The following SRGAP1 variants were observed in gnomAD, a reference collection of about 807,000 sequenced individuals.
SRGAP1 encodes SLIT-ROBO Rho GTPase activating protein 1.
SRGAP1 carries 43 observed loss-of-function variants against 121.9 expected under a neutral mutation model. That is an observed-to-expected ratio of 0.35 (90% confidence interval 0.28 to 0.46). SRGAP1 has a LOEUF of 0.46. Among genes scored for constraint, SRGAP1 ranks in the 20% least tolerant of loss-of-function variants. The pLI, the probability that SRGAP1 is intolerant of heterozygous loss-of-function variation, is 1.00. For missense variants in SRGAP1, 1,102 were observed against 1,350.9 expected, an observed-to-expected ratio of 0.82 and a Z score of 2.89; for synonymous variants, 447 against 485.4, an observed-to-expected ratio of 0.92 and a Z score of 1.04.
At chr12:63,856,890 A>G (rs554311223) in intron 1 of SRGAP1, among the ~76,000 whole-genome samples, 1 of 152,304 alleles carries the variant, frequency 6.6e-6, no homozygotes, top group Admixed American at 6.5e-5. Flanking sequence ...ATTGGCATCT[A>G]TATATTAGTT....
chr12:63,895,163 C>T (rs1043389310), intron 1 of SRGAP1, among the ~76,000 whole-genome samples: 3 of 152,096 alleles, frequency 2.0e-5, no homozygotes, highest in Admixed American at 6.5e-5. Context: ...TTTTTATGAT[C>T]GCCATATTTT....
At chr12:64,083,689 T>C (rs866486738) in intron 10 of SRGAP1, among the ~76,000 whole-genome samples, 82 of 152,370 alleles carry the variant, frequency 5.4e-4, no homozygotes, top group Middle Eastern at 3.4e-3. Context: ...TATACATCTA[T>C]AAAACTGAGG....
intron 1 of SRGAP1, among the ~76,000 whole-genome samples, chr12:63,949,050 G>A (rs1221118424): frequency 1.1e-4 from 15 of 138,306 alleles, no homozygotes; most frequent in African/African-American, 3.8e-4. Flanking sequence ...TTCCATATAT[G>A]TATTTTCCAT....
At chr12:63,912,615 A>G (rs1373819290) in intron 1 of SRGAP1, among the ~76,000 whole-genome samples, 1 of 136,802 alleles carries the variant, frequency 7.3e-6, no homozygotes, top group East Asian at 2.6e-4. Context: ...CTCCATTTTA[A>G]AAGAAAGAAA....
At chr12:63,959,652 T>C (rs2032580292) in intron 1 of SRGAP1, among the ~76,000 whole-genome samples, 2 of 152,138 alleles carry the variant, frequency 1.3e-5, no homozygotes, top group African/African-American at 4.8e-5. Context: ...TTTTTCTGAT[T>C]ATGATTCTTT....
Position 63,891,379 on chromosome 12 carries a change from C to T in SRGAP1, c.67+46496C>T, listed in dbSNP as rs892241437. ...ATACCGTTCTTTCCTACCATCTCCA[C>T]ACCATGCATTCATTAGTTCAGCCAT... On this transcript the variant is annotated intron_variant, in intron 1 of 21. Transcript: ENST00000355086. Among the ~76,000 whole-genome samples, 7 of 152,336 alleles carry T rather than the reference C, an allele frequency of 4.6e-5. No individual in the cohort carries two copies. In the East Asian group the frequency reaches 5.8e-4, roughly 13 times the overall value.
rs2037175941 is a variant in SRGAP1 at position 64,157,826 on chromosome 12, C to T, written c.*15154C>T. 6.6e-6 allele frequency: 1 copy of T among 152,148 alleles called. No homozygotes were observed. The highest frequency in any genetic ancestry group is 1.5e-5 in the Non-Finnish European group (1 of 68,032). 9.4% of individuals were successfully genotyped at this position (152,148 alleles called of 1,614,324 possible). On this transcript the variant is annotated 3_prime_UTR_variant, in exon 22 of 22. Coordinates refer to ENST00000355086, the MANE Select transcript of SRGAP1 (RefSeq NM_020762.4). ...AACCCCCCAAACTCAGTAACACAAT[C>T]AAGCTGAATTTCTCCTTCACATCAC...
At chr12:64,095,414 T>G (rs1426809683) in intron 14 of SRGAP1, among the ~76,000 whole-genome samples, 1 of 152,186 alleles carries the variant, frequency 6.6e-6, no homozygotes, top group Non-Finnish European at 1.5e-5. Context: ...GCATATGAGC[T>G]CTGCATCCTG....
At chr12:64,017,466 C>T (rs2136466266) in intron 4 of SRGAP1, among the ~76,000 whole-genome samples, 1 of 152,102 alleles carries the variant, frequency 6.6e-6, no homozygotes, top group Non-Finnish European at 1.5e-5. Context: ...ACCAGCCTGG[C>T]CAATGTGGTG....
intron 21 of SRGAP1, among the ~76,000 whole-genome samples, chr12:64,130,397 C>T (rs73321360): frequency 0.067 from 10,137 of 152,060 alleles, 648 homozygotes; most frequent in African/African-American, 0.17. Flanking sequence ...GTCGCGGGAA[C>T]AGGAAGTAAA....
At chr12:63,908,727 C>G (rs61933094) in intron 1 of SRGAP1, among the ~76,000 whole-genome samples, 1,612 of 152,084 alleles carry the variant, frequency 0.011, 11 homozygotes, top group Non-Finnish European at 0.018. Flanking sequence ...CTAGTTACTT[C>G]GTTCTTTTTG....
At chr12:63,991,014 A>T (rs1049619855) in intron 3 of SRGAP1, among the ~76,000 whole-genome samples, 1 of 152,172 alleles carries the variant, frequency 6.6e-6, no homozygotes, top group Non-Finnish European at 1.5e-5. Flanking sequence ...GTTGTTACTA[A>T]TCTCAGCCAA....
chr12:63,992,775 A>G (rs577459636), intron 3 of SRGAP1, among the ~76,000 whole-genome samples: 69 of 152,088 alleles, frequency 4.5e-4, no homozygotes, highest in African/African-American at 1.7e-3. Context: ...GCTTGCTACC[A>G]GGAGTTCTCT....
chr12:63,961,747 A>G (rs1405567750), intron 1 of SRGAP1, among the ~76,000 whole-genome samples: 2 of 152,242 alleles, frequency 1.3e-5, no homozygotes, highest in East Asian at 1.9e-4. Context: ...TCCCTGATTC[A>G]TGGAGCTTAC....
At chr12:64,013,075 A>G (rs1032601515) in intron 3 of SRGAP1, among the ~76,000 whole-genome samples, 1 of 152,114 alleles carries the variant, frequency 6.6e-6, no homozygotes, top group African/African-American at 2.4e-5. Flanking sequence ...AACAACCCAG[A>G]TATTTTCTAA....
In SRGAP1 at chr12:64,128,064, A is replaced by AT. The variant is rs1350280045; in HGVS notation, c.2745dup (p.Gly916TrpfsTer21). 2.5e-6 allele frequency: 4 copies of AT among 1,614,048 alleles called. No homozygotes were observed. Among genetic ancestry groups the AT allele is most frequent in the Non-Finnish European group, 3.4e-6 (4 of 1,180,028 alleles). Reference sequence around the variant, plus strand: ...CCTGAGCGGAGGCGCAGGCCTGGCCATGGCAGCCTGACCAACATCAGCCGG... The same window carrying AT: ...CCTGAGCGGAGGCGCAGGCCTGGCCATTGGCAGCCTGACCAACATCAGCCGG... On this transcript the variant is annotated frameshift_variant, in exon 21 of 22. Transcript: ENST00000355086. LOFTEE classifies it high-confidence loss of function.
In SRGAP1 at chr12:64,160,656, G is replaced by A. The variant is rs1410044045; in HGVS notation, c.*17984G>A. The A allele has an allele frequency of 6.6e-6, 1 of 152,296 alleles. No homozygotes were observed. Among genetic ancestry groups the A allele is most frequent in the Non-Finnish European group, 1.5e-5 (1 of 68,030 alleles). 9.4% of individuals were successfully genotyped at this position (152,296 alleles called of 1,614,324 possible). A position where few individuals can be genotyped will look rare whatever the true frequency, so the allele number is the denominator to read the frequency against. ...AAGGAAGCCCAGACTCTGTTTGCCAGTGGCTGGGTCCTGGGGCCGATAACT... is the reference window on the plus strand; with the variant it reads ...AAGGAAGCCCAGACTCTGTTTGCCAATGGCTGGGTCCTGGGGCCGATAACT... On this transcript the variant is annotated 3_prime_UTR_variant, in exon 22 of 22. Transcript: ENST00000355086.
At chr12:63,860,289 G>A (rs1899400766) in intron 1 of SRGAP1, among the ~76,000 whole-genome samples, 6 of 152,184 alleles carry the variant, frequency 3.9e-5, no homozygotes, top group Admixed American at 3.3e-4. Flanking sequence ...GGGATTACAG[G>A]TGTGAGCCAC....
At chr12:64,032,377 C>G in intron 4 of SRGAP1, 1 of 462,418 alleles carries the variant, frequency 2.2e-6, no homozygotes, top group South Asian at 2.5e-5. Context: ...GAGATACTTT[C>G]ATTTTTTTAC....
Sources: gnomAD v4.1 joint callset for allele counts (sites outside exome capture counted in the v4.1 genomes callset) on GRCh38, gnomAD v4.1.1 for gene constraint, MANE v1.5 for transcripts, NCBI Gene and HGNC (gene_info 2026-07-23, HGNC 2026-07-21) for gene names.